Variants in EFCAB13 observed in about 807,000 individuals in gnomAD.
The protein encoded by EFCAB13 is EF-hand calcium-binding domain-containing protein 13.
In EFCAB13, 91 loss-of-function variants were observed where a neutral mutation model predicts 110.2. The ratio of observed to expected loss-of-function variants is 0.83; its 90% CI spans 0.70 to 0.98. The LOEUF is 0.98. Ranked by LOEUF, EFCAB13 falls within the 50% of genes least tolerant of loss-of-function variation. The probability of loss-of-function intolerance (pLI) is 0.00; values close to 1 mark genes in which losing one functional copy is unlikely to be tolerated. For synonymous variants in EFCAB13, 323 were observed against 369.9 expected (o/e 0.87, Z 1.45); for missense variants, 968 against 1,119.4 (o/e 0.86, Z 1.93).
intron 2 of EFCAB13, among the ~76,000 whole-genome samples, chr17:47,325,923 AATATATATATATATAT>A (rs60735562): frequency 0.079 from 8,059 of 102,536 alleles, 505 homozygotes; most frequent in Middle Eastern, 0.14. Context: ...ATATAAACAA[AATATATATATATATAT>A]ATATATATAT....
At chr17:47,424,896 T>TTTTTTTTTTTTTTGTTTTG (rs1567807243) in intron 23 of EFCAB13, among the ~76,000 whole-genome samples, 1 of 84,482 alleles carries the variant, frequency 1.2e-5, no homozygotes, top group African/African-American at 6.0e-5. Flanking sequence ...TTTTTTTTTT[T>TTTTTTTTTTTTTTGTTTTG]TTTTGAGACG....
At chr17:47,397,905 A>G (rs189154375) in intron 17 of EFCAB13, among the ~76,000 whole-genome samples, 12,922 of 148,380 alleles carry the variant, frequency 0.087, 786 homozygotes, top group East Asian at 0.34. Flanking sequence ...CAGCCACCCC[A>G]TCCGGGAGGG....
At chr17:47,344,344 GT>G in intron 7 of EFCAB13, 52 bp downstream of exon 7, 1 of 1,573,684 alleles carries the variant, frequency 6.4e-7, no homozygotes, top group Non-Finnish European at 8.6e-7. Flanking sequence ...AGACTTGGGT[GT>G]TTCTCTCCAG....
intron 9 of EFCAB13, among the ~76,000 whole-genome samples, chr17:47,359,249 G>A (rs996480100): frequency 1.6e-4 from 25 of 152,146 alleles, no homozygotes; most frequent in African/African-American, 2.7e-4. Context: ...TGGGAGAATC[G>A]CTTGAGCTGG....
intron 23 of EFCAB13, among the ~76,000 whole-genome samples, chr17:47,421,132 G>A (rs112812555): frequency 0.51 from 76,997 of 149,784 alleles, 20,066 homozygotes; most frequent in Middle Eastern, 0.56. Flanking sequence ...CCACCACCCC[G>A]TCTGGGAGGT....
intron 15 of EFCAB13, among the ~76,000 whole-genome samples, chr17:47,392,171 A>G (rs527512045): frequency 6.6e-6 from 1 of 152,306 alleles, no homozygotes; most frequent in South Asian, 2.1e-4. Flanking sequence ...AACATTTTCC[A>G]TAATAAAAAG....
At chr17:47,336,485 G>A (rs1394926761) in intron 5 of EFCAB13, among the ~76,000 whole-genome samples, 1 of 151,828 alleles carries the variant, frequency 6.6e-6, no homozygotes, top group Non-Finnish European at 1.5e-5. Context: ...TAGAGATGGG[G>A]TTTCACCATG....
chr17:47,419,338 T>G (rs950568630), intron 23 of EFCAB13, among the ~76,000 whole-genome samples: 8 of 152,168 alleles, frequency 5.3e-5, no homozygotes, highest in Non-Finnish European at 4.4e-5. Context: ...CTATAAGCAC[T>G]TTGGGAGGAC....
chr17:47,399,273 A>G (rs747142516), intron 17 of EFCAB13, among the ~76,000 whole-genome samples: 8 of 152,232 alleles, frequency 5.3e-5, no homozygotes, highest in Non-Finnish European at 1.0e-4. Context: ...CAGATTTTAC[A>G]ATTTAAGCCT....
At chr17:47,331,376 G>A (rs2065318583) in intron 4 of EFCAB13, among the ~76,000 whole-genome samples, 1 of 151,850 alleles carries the variant, frequency 6.6e-6, no homozygotes, top group South Asian at 2.1e-4. Context: ...TTTTTCCTAG[G>A]TAGTCTTCTA....
intron 8 of EFCAB13, among the ~76,000 whole-genome samples, chr17:47,345,614 G>A (rs917441741): frequency 3.3e-5 from 5 of 152,086 alleles, no homozygotes; most frequent in East Asian, 3.8e-4. Context: ...AGCTTCACAC[G>A]TTCAAAACCA....
At chr17:47,422,566 TTAATA>T (rs1363293104) in intron 23 of EFCAB13, among the ~76,000 whole-genome samples, 3 of 152,188 alleles carry the variant, frequency 2.0e-5, no homozygotes, top group Non-Finnish European at 4.4e-5. Context: ...CATGATCAAT[TTAATA>T]TAATTCTATG....
At chr17:47,425,178 G>A (rs543010667) in intron 23 of EFCAB13, among the ~76,000 whole-genome samples, 17 of 152,032 alleles carry the variant, frequency 1.1e-4, no homozygotes, top group African/African-American at 3.1e-4. Flanking sequence ...CACCGCGCCC[G>A]GCCCTCCGGT....
Position 47,432,153 on chromosome 17 carries a change from G to A in EFCAB13, c.2638+2192G>A, listed in dbSNP as rs1343178121. Among the ~76,000 whole-genome samples the A allele has an allele frequency of 4.6e-5, 7 of 152,232 alleles. No homozygotes were observed. The South Asian group carries it at 6.2e-4, about 14-fold the overall frequency. On this transcript the variant is annotated intron_variant, in intron 24 of 24. Coordinates refer to ENST00000331493, the MANE Select transcript of EFCAB13 (RefSeq NM_152347.5). Reference sequence around the variant, plus strand: ...GCGGTGGCTCATGCCTGTAATCCCAGCACTTTGGGAGGCCGAGGCAGGTGG... The same window carrying A: ...GCGGTGGCTCATGCCTGTAATCCCAACACTTTGGGAGGCCGAGGCAGGTGG...
At chr17:47,361,346 A>AT (rs1454704729) in intron 9 of EFCAB13, 32 bp from the exon 10 acceptor site, 1 of 1,602,898 alleles carries the variant, frequency 6.2e-7, no homozygotes. Flanking sequence ...AAAGCTGTTG[A>AT]TTCTCATGGT....
intron 9 of EFCAB13, among the ~76,000 whole-genome samples, chr17:47,348,292 G>A (rs1325576698): frequency 4.6e-5 from 7 of 151,454 alleles, no homozygotes; most frequent in African/African-American, 1.5e-4. Flanking sequence ...ATAAAAAGTA[G>A]GACCTTGTCA....
intron 24 of EFCAB13, among the ~76,000 whole-genome samples, chr17:47,439,162 CTT>C (rs1458580379): frequency 2.9e-5 from 3 of 103,344 alleles, no homozygotes; most frequent in South Asian, 3.0e-4. Context: ...TGAGTTTCCT[CTT>C]TGTTTTGTTT....
At chr17:47,367,653 T>C (rs2065555296) in intron 10 of EFCAB13, among the ~76,000 whole-genome samples, 1 of 152,178 alleles carries the variant, frequency 6.6e-6, no homozygotes, top group Non-Finnish European at 1.5e-5. Flanking sequence ...GAACACCCAC[T>C]ACGTTTCTGG....
chr17:47,370,815 C>G (rs1457632805), intron 11 of EFCAB13, among the ~76,000 whole-genome samples: 1 of 145,196 alleles, frequency 6.9e-6, no homozygotes, highest in East Asian at 2.1e-4. Flanking sequence ...GATCTTGGCT[C>G]ACTGCAACCT....
Sources: gnomAD v4.1 joint callset for allele counts (sites outside exome capture counted in the v4.1 genomes callset) on GRCh38, gnomAD v4.1.1 for gene constraint, MANE v1.5 for transcripts, NCBI Gene and HGNC (gene_info 2026-07-23, HGNC 2026-07-21) for gene names.